The following RAPGEF5 variants were observed in gnomAD, a reference collection of about 807,000 sequenced individuals.
RAPGEF5 encodes the protein M-Ras-regulated GEF.
In RAPGEF5, 65 loss-of-function variants were observed where a neutral mutation model predicts 125.2. The ratio of observed to expected loss-of-function variants is 0.52; its 90% CI spans 0.43 to 0.64. The LOEUF (loss-of-function observed/expected upper bound fraction) is 0.64, where lower values mean the gene tolerates loss of function less well. Ranked by LOEUF, RAPGEF5 falls within the 30% of genes least tolerant of loss-of-function variation. The pLI, the probability that RAPGEF5 is intolerant of heterozygous loss-of-function variation, is 0.00. For missense variants in RAPGEF5, 958 were observed against 1,048.1 expected, an observed-to-expected ratio of 0.91 and a Z score of 1.19; for synonymous variants, 391 against 385.9, an observed-to-expected ratio of 1.01 and a Z score of -0.16.
At chr7:22,335,231 C>T (rs889385472) in intron 1 of RAPGEF5, among the ~76,000 whole-genome samples, 10 of 152,252 alleles carry the variant, frequency 6.6e-5, no homozygotes, top group East Asian at 1.9e-4. Flanking sequence ...TTAGTTTCAA[C>T]GAGGCAAGTG....
In RAPGEF5 at chr7:22,184,652, A is replaced by G. The variant is rs562089987; in HGVS notation, c.1204+8715T>C. On this transcript the variant is annotated intron_variant, in intron 11 of 25. Transcript: ENST00000665637. ...CTTCCACATTTTTCCGTTATTAATCAGTGTATGTTAATGATCTTATGCTTC... is the reference window on the plus strand; with the variant it reads ...CTTCCACATTTTTCCGTTATTAATCGGTGTATGTTAATGATCTTATGCTTC... 9.8e-5 allele frequency among the ~76,000 whole-genome samples: 15 copies of G among 152,304 alleles called. No individual in the cohort carries two copies. The South Asian group carries it at 1.2e-3, about 13-fold the overall frequency.
Position 22,310,150 on chromosome 7 carries a change from C to A in RAPGEF5, c.390-60G>T, listed in dbSNP as rs17146668. The A allele has an allele frequency of 0.13, 181,076 of 1,387,252 alleles. 5,149 individuals are homozygous for A. The highest frequency in any genetic ancestry group is 0.18 in the East Asian group (6,170 of 34,762). 85.9% of individuals were successfully genotyped at this position (1,387,252 alleles called of 1,614,324 possible). On this transcript the variant is annotated intron_variant, in intron 3 of 25. Coordinates refer to ENST00000665637, the MANE Select transcript of RAPGEF5 (RefSeq NM_012294.5). ...TGCTGACATCCGTTTGCCAAAAAAA[C>A]AAAAATGATATATAATACCTTTCCT...
intron 6 of RAPGEF5, among the ~76,000 whole-genome samples, chr7:22,270,610 G>GA (rs1198676989): frequency 6.6e-6 from 1 of 152,028 alleles, no homozygotes; most frequent in African/African-American, 2.4e-5. Context: ...TAGGTCATTA[G>GA]AAAAAAATGC....
intron 7 of RAPGEF5, among the ~76,000 whole-genome samples, chr7:22,242,888 G>A (rs546711012): frequency 8.5e-4 from 128 of 150,198 alleles, no homozygotes; most frequent in Middle Eastern, 3.4e-3. Flanking sequence ...CAGAGGTTGC[G>A]GTGAGCCAAG....
intron 11 of RAPGEF5, among the ~76,000 whole-genome samples, chr7:22,173,559 G>C (rs112094762): frequency 1.3e-5 from 2 of 152,064 alleles, no homozygotes; most frequent in African/African-American, 4.8e-5. Context: ...CTACAGACAG[G>C]GCTTGGGGAC....
chr7:22,301,412 G>A (rs942353514), intron 5 of RAPGEF5, among the ~76,000 whole-genome samples: 3 of 152,164 alleles, frequency 2.0e-5, no homozygotes, highest in Admixed American at 6.5e-5. Flanking sequence ...TCAGGAGATC[G>A]AGACCATCCT....
At chr7:22,204,136 T>C (rs566170498) in intron 9 of RAPGEF5, among the ~76,000 whole-genome samples, 1 of 152,322 alleles carries the variant, frequency 6.6e-6, no homozygotes, top group South Asian at 2.1e-4. Flanking sequence ...ACATGACTTT[T>C]CAGAGCAGCA....
At chr7:22,191,042 C>A (rs965376276) in intron 11 of RAPGEF5, among the ~76,000 whole-genome samples, 26 of 152,144 alleles carry the variant, frequency 1.7e-4, no homozygotes, top group African/African-American at 6.0e-4. Context: ...TTATGCAACT[C>A]TCTTCAGCTC....
At chr7:22,273,735 G>C (rs539610620) in intron 6 of RAPGEF5, among the ~76,000 whole-genome samples, 1 of 152,294 alleles carries the variant, frequency 6.6e-6, no homozygotes, top group East Asian at 1.9e-4. Flanking sequence ...ACATTAAAAA[G>C]ATCTGATAGT....
chr7:22,210,180 A>T (rs1367090210), intron 9 of RAPGEF5, among the ~76,000 whole-genome samples: 6 of 152,208 alleles, frequency 3.9e-5, no homozygotes, highest in Non-Finnish European at 2.9e-5. Flanking sequence ...GTGAAAAATA[A>T]TGCATCATCA....
intron 1 of RAPGEF5, among the ~76,000 whole-genome samples, chr7:22,351,413 A>T (rs142925746): frequency 2.0e-5 from 3 of 152,188 alleles, no homozygotes; most frequent in Admixed American, 2.0e-4. Flanking sequence ...CACAGTTTAG[A>T]GTAAATAGAC....
chr7:22,207,155 G>T (rs1380133511), intron 9 of RAPGEF5, among the ~76,000 whole-genome samples: 1 of 152,190 alleles, frequency 6.6e-6, no homozygotes, highest in African/African-American at 2.4e-5. Context: ...ACTCAATGAA[G>T]GTGAAAGCTA....
chr7:22,181,843 G>C (rs982755195), intron 11 of RAPGEF5, among the ~76,000 whole-genome samples: 1 of 152,124 alleles, frequency 6.6e-6, no homozygotes, highest in African/African-American at 2.4e-5. Flanking sequence ...GGAGGGGAAG[G>C]TTATAGTGCC....
At chr7:22,352,424 T>A (rs1334692047) in intron 1 of RAPGEF5, among the ~76,000 whole-genome samples, 2 of 146,898 alleles carry the variant, frequency 1.4e-5, no homozygotes, top group Non-Finnish European at 3.0e-5. Flanking sequence ...AAAAAAAAAA[T>A]TCATCAATGC....
At chr7:22,190,734 G>A (rs755435798) in intron 11 of RAPGEF5, among the ~76,000 whole-genome samples, 17 of 152,152 alleles carry the variant, frequency 1.1e-4, no homozygotes, top group Non-Finnish European at 1.9e-4. Context: ...AGTGACTTTT[G>A]TGGGAAAGCG....
intron 8 of RAPGEF5, among the ~76,000 whole-genome samples, chr7:22,223,934 A>T (rs1785852192): frequency 6.6e-6 from 1 of 152,220 alleles, no homozygotes; most frequent in Non-Finnish European, 1.5e-5. Flanking sequence ...CAGACAATAA[A>T]TATTCTAGGC....
intron 8 of RAPGEF5, among the ~76,000 whole-genome samples, chr7:22,228,900 C>T (rs369572802): frequency 1.5e-3 from 227 of 152,156 alleles, no homozygotes; most frequent in African/African-American, 5.1e-3. Flanking sequence ...ATTATGCTGC[C>T]CAACATTTAC....
intron 21 of RAPGEF5, among the ~76,000 whole-genome samples, chr7:22,139,125 T>G (rs975966931): frequency 6.6e-6 from 1 of 152,146 alleles, no homozygotes; most frequent in Admixed American, 6.5e-5. Context: ...GAGAAAAAGA[T>G]AGCTGGCCTA....
chr7:22,287,285 T>C (rs1334352950), intron 6 of RAPGEF5, among the ~76,000 whole-genome samples: 1 of 152,208 alleles, frequency 6.6e-6, no homozygotes, highest in Non-Finnish European at 1.5e-5. Flanking sequence ...TTGACTGAAT[T>C]ATAAAGACAT....
Sources: gnomAD v4.1 joint callset for allele counts (sites outside exome capture counted in the v4.1 genomes callset) on GRCh38, gnomAD v4.1.1 for gene constraint, MANE v1.5 for transcripts, NCBI Gene and HGNC (gene_info 2026-07-23, HGNC 2026-07-21) for gene names.